MXI1: variants seen among roughly 807,000 people sequenced by gnomAD.
MXI1 encodes MAX interactor 1, dimerization protein, also known as max-interacting protein 1.
Under a neutral mutation model 36.9 loss-of-function variants are expected in MXI1, and 18 were observed. The ratio of observed to expected loss-of-function variants is 0.49; its 90% CI spans 0.34 to 0.72. The LOEUF is 0.72. Ranked by LOEUF, MXI1 falls within the 30% of genes least tolerant of loss-of-function variation. The pLI is 0.01. For synonymous variants in MXI1, 160 were observed against 146.7 expected (o/e 1.09, Z -0.65); for missense variants, 304 against 379.1 (o/e 0.80, Z 1.64).
At chr10:110,222,933 A>T (rs766766859) in intron 1 of MXI1, among the ~76,000 whole-genome samples, 6 of 152,218 alleles carry the variant, frequency 3.9e-5, no homozygotes, top group Non-Finnish European at 8.8e-5. Flanking sequence ...GGGAGAAGGA[A>T]GTGGCACTTC....
intron 3 of MXI1, among the ~76,000 whole-genome samples, chr10:110,249,877 A>AT (rs1296152451): frequency 6.6e-6 from 1 of 152,174 alleles, no homozygotes; most frequent in East Asian, 1.9e-4. Context: ...GGAGTAGGTG[A>AT]TTTTAAATTG....
intron 1 of MXI1, 118 bp from the exon 2 acceptor site, chr10:110,228,071 C>T: frequency 8.8e-7 from 1 of 1,137,360 alleles, no homozygotes; most frequent in Non-Finnish European, 1.3e-6. Flanking sequence ...AGAGTGGAAA[C>T]ATTTTACCTC....
intron 2 of MXI1, among the ~76,000 whole-genome samples, chr10:110,238,696 T>C (rs1444046134): frequency 1.4e-5 from 2 of 147,342 alleles, no homozygotes; most frequent in African/African-American, 2.4e-5. Flanking sequence ...GGAGTTTTCT[T>C]TGTGGGAAGG....
At chr10:110,261,381 A>G (rs116509382) in intron 3 of MXI1, among the ~76,000 whole-genome samples, 2,156 of 150,688 alleles carry the variant, frequency 0.014, 48 homozygotes, top group African/African-American at 0.05. Context: ...GGCCATTTTC[A>G]CTTCTCATTG....
rs1057079841 is a variant in MXI1 at position 110,249,617 on chromosome 10, T to A, written c.437+4760T>A. Among the ~76,000 whole-genome samples, 3 of 151,118 alleles carry A rather than the reference T, an allele frequency of 2.0e-5. No homozygotes were observed. In the South Asian group the frequency reaches 6.3e-4, roughly 32 times the overall value. ...GAAGGTACACTAATAGTGTTTTTCA[T>A]ACTGAAAAATGAAACTCACTAGTGG... On this transcript the variant is annotated intron_variant, in intron 3 of 5. Coordinates refer to ENST00000332674, the MANE Select transcript of MXI1 (RefSeq NM_130439.3).
At chr10:110,208,614 GCT>G (rs1276204849) in intron 1 of MXI1, 1 of 152,274 alleles carries the variant, frequency 6.6e-6, no homozygotes, top group Non-Finnish European at 1.5e-5. Flanking sequence ...CGTGGGCTCG[GCT>G]CTGTCTCTCT....
At position 110,253,056 on chromosome 10, in the gene MXI1, A is replaced by T. The variant is rs1446783485; in HGVS notation, c.437+8199A>T. Among the ~76,000 whole-genome samples the T allele has an allele frequency of 3.9e-5, 6 of 152,198 alleles. No homozygotes were observed. In the East Asian group the frequency reaches 9.7e-4, roughly 24 times the overall value. ...GTAATTTTATAAAGGAGAACACTTT[A>T]TCTGATGAAGTTTATGCTATACTTG... On this transcript the variant is annotated intron_variant, in intron 3 of 5. Coordinates refer to ENST00000332674, the MANE Select transcript of MXI1 (RefSeq NM_130439.3).
chr10:110,269,881 G>A (rs1856801867), intron 3 of MXI1, among the ~76,000 whole-genome samples: 1 of 152,098 alleles, frequency 6.6e-6, no homozygotes, highest in Non-Finnish European at 1.5e-5. Context: ...CAGCCCCTTG[G>A]TACCATTAAA....
At position 110,207,924 on chromosome 10, in the gene MXI1, C is replaced by T. The variant is rs374388451; in HGVS notation, c.116C>T (p.Pro39Leu). 1.4e-5 allele frequency: 21 copies of T among 1,550,258 alleles called. No individual in the cohort carries two copies. The African/African-American group carries it at 2.8e-4, about 21-fold the overall frequency. Reference protein sequence around the residue: ...AVAAPQPPALPEDPAGAKPRC... With the variant: ...AVAAPQPPALLEDPAGAKPRC... Reference sequence around the variant, plus strand: ...GCCGCGCCCCAGCCCCCGGCCCTGCCCGAGGACCCCGCTGGGGCCAAGCCC... The same window carrying T: ...GCCGCGCCCCAGCCCCCGGCCCTGCTCGAGGACCCCGCTGGGGCCAAGCCC... Residue 39 changes from proline to leucine, a missense_variant, in exon 1 of 6, where the codon CCC becomes CTC. Coordinates refer to ENST00000332674, the MANE Select transcript of MXI1 (RefSeq NM_130439.3).
chr10:110,225,913 T>C, intron 1 of MXI1: 1 of 741,848 alleles, frequency 1.3e-6, no homozygotes, highest in Non-Finnish European at 1.6e-6. Context: ...CGGGACTACA[T>C]TTCCCAGGGG....
chr10:110,274,991 C>T (rs1441892003), intron 3 of MXI1, among the ~76,000 whole-genome samples: 1 of 151,288 alleles, frequency 6.6e-6, no homozygotes, highest in Non-Finnish European at 1.5e-5. Flanking sequence ...TCTCCTGCCT[C>T]AGCCGACAGA....
Position 110,285,112 on chromosome 10 carries a change from T to A in MXI1, c.*125T>A. The A allele has an allele frequency of 4.3e-6, 4 of 934,076 alleles. No homozygotes were observed. The highest frequency in any genetic ancestry group is 1.7e-5 in the African/African-American group (1 of 58,898). The allele number at this position is 934,076 out of a possible 1,614,324, so 57.9% of individuals were successfully genotyped here. A position where few individuals can be genotyped will look rare whatever the true frequency, so the allele number is the denominator to read the frequency against. On this transcript the variant is annotated 3_prime_UTR_variant, in exon 6 of 6. Transcript: ENST00000332674. ...AACAAAACAAAACAAAACAAAACTA[T>A]ACTTGAACAAAAGGGTCAGAGGACC...
intron 1 of MXI1, 28 bp downstream of exon 1, chr10:110,208,110 C>T (rs749362336): frequency 9.6e-6 from 15 of 1,562,814 alleles, no homozygotes; most frequent in African/African-American, 1.4e-5. Flanking sequence ...TGCTCTTCCT[C>T]GGCGCCCGGT....
intron 1 of MXI1, among the ~76,000 whole-genome samples, chr10:110,223,520 C>A (rs7901749): frequency 6.6e-6 from 1 of 151,776 alleles, no homozygotes; most frequent in Non-Finnish European, 1.5e-5. Flanking sequence ...TGCAATGAGC[C>A]GAGATCGCGC....
chr10:110,282,903 C>A (rs762284944), intron 5 of MXI1, among the ~76,000 whole-genome samples: 1 of 152,082 alleles, frequency 6.6e-6, no homozygotes, highest in Non-Finnish European at 1.5e-5. Flanking sequence ...GTCTCAAACT[C>A]CTGGGCTCAA....
intron 3 of MXI1, among the ~76,000 whole-genome samples, chr10:110,276,215 A>T (rs1039268430): frequency 2.6e-5 from 4 of 152,230 alleles, no homozygotes; most frequent in Admixed American, 6.5e-5. Context: ...TAAATTACCT[A>T]GAAAATCCTC....
chr10:110,284,673 C>T, intron 5 of MXI1, 151 bp from the exon 6 acceptor site: 1 of 757,410 alleles, frequency 1.3e-6, no homozygotes, highest in East Asian at 2.9e-5. Context: ...ATATTCCTGT[C>T]TCTTCACCTT....
chr10:110,276,636 C>T (rs1278028999), intron 3 of MXI1, among the ~76,000 whole-genome samples: 1 of 151,708 alleles, frequency 6.6e-6, no homozygotes, highest in Non-Finnish European at 1.5e-5. Flanking sequence ...TTTTCCTTCT[C>T]AAGCAAGTGT....
intron 3 of MXI1, among the ~76,000 whole-genome samples, chr10:110,251,595 A>G (rs959873186): frequency 6.6e-6 from 1 of 152,178 alleles, no homozygotes; most frequent in Non-Finnish European, 1.5e-5. Context: ...GAAAATACCA[A>G]AGTACACTGC....
Sources: allele counts gnomAD v4.1 joint callset (sites outside exome capture counted in the v4.1 genomes callset), GRCh38; gene constraint gnomAD v4.1.1; transcripts MANE v1.5; gene names NCBI Gene and HGNC (gene_info 2026-07-23, HGNC 2026-07-21).